The following MAGI2 variants were observed in gnomAD, a reference collection of about 807,000 sequenced individuals.
MAGI2 encodes the protein membrane associated guanylate kinase, WW and PDZ domain containing 2, also known as membrane-associated guanylate kinase, WW and PDZ domain-containing protein 2.
In MAGI2, 35 loss-of-function variants were observed where a neutral mutation model predicts 133.3. The ratio of observed to expected loss-of-function variants is 0.26; its 90% CI spans 0.20 to 0.35. The LOEUF (loss-of-function observed/expected upper bound fraction) is 0.35. MAGI2 is among the 10% of genes least tolerant of loss of function. The pLI is 1.00. For synonymous variants in MAGI2, 729 were observed against 710.6 expected (o/e 1.03, Z -0.41); for missense variants, 1,636 against 1,863.4 (o/e 0.88, Z 2.25).
intron 2 of MAGI2, among the ~76,000 whole-genome samples, chr7:78,842,211 G>C (rs1315064967): frequency 6.6e-6 from 1 of 151,958 alleles, no homozygotes; most frequent in Non-Finnish European, 1.5e-5. Flanking sequence ...CTATGAAAGA[G>C]AAAGTATTGC....
At chr7:78,349,753 C>T (rs1187999297) in intron 7 of MAGI2, among the ~76,000 whole-genome samples, 1 of 152,168 alleles carries the variant, frequency 6.6e-6, no homozygotes, top group Admixed American at 6.5e-5. Flanking sequence ...TTAAAATGCT[C>T]ACAAGCTCTA....
intron 16 of MAGI2, among the ~76,000 whole-genome samples, chr7:78,156,109 C>T (rs541898772): frequency 6.6e-6 from 1 of 152,210 alleles, no homozygotes. Flanking sequence ...CGATGATTTC[C>T]ATTACTTTTA....
At chr7:78,915,906 G>A (rs946641864) in intron 2 of MAGI2, among the ~76,000 whole-genome samples, 5 of 151,996 alleles carry the variant, frequency 3.3e-5, no homozygotes, top group Admixed American at 6.6e-5. Flanking sequence ...GAGCAGAAAC[G>A]TGAAGGAAGT....
chr7:78,374,616 T>G (rs1421340252), intron 6 of MAGI2, among the ~76,000 whole-genome samples: 1 of 151,988 alleles, frequency 6.6e-6, no homozygotes, highest in Non-Finnish European at 1.5e-5. Flanking sequence ...GAACTTGAAG[T>G]TGGTTTGCTA....
intron 2 of MAGI2, among the ~76,000 whole-genome samples, chr7:78,907,393 C>T (rs1798067816): frequency 6.6e-6 from 1 of 152,104 alleles, no homozygotes; most frequent in Non-Finnish European, 1.5e-5. Context: ...GTTTAATTTT[C>T]CCTCAGACCA....
At chr7:78,244,774 C>T (rs561468839) in intron 10 of MAGI2, among the ~76,000 whole-genome samples, 1 of 151,944 alleles carries the variant, frequency 6.6e-6, no homozygotes, top group East Asian at 1.9e-4. Flanking sequence ...TCCCTTAATG[C>T]AACTCATCAT....
At chr7:78,291,254 C>T (rs1026778330) in intron 9 of MAGI2, among the ~76,000 whole-genome samples, 1 of 152,114 alleles carries the variant, frequency 6.6e-6, no homozygotes, top group African/African-American at 2.4e-5. Flanking sequence ...GGAGATATCA[C>T]CACTGATCCC....
chr7:78,123,567 A>C (rs988123576), intron 20 of MAGI2, among the ~76,000 whole-genome samples: 1 of 152,214 alleles, frequency 6.6e-6, no homozygotes, highest in Non-Finnish European at 1.5e-5. Flanking sequence ...CAATCTGATA[A>C]TCGAGAGGGC....
chr7:78,107,750 C>A (rs558479948), intron 20 of MAGI2, among the ~76,000 whole-genome samples: 1 of 151,672 alleles, frequency 6.6e-6, no homozygotes, highest in South Asian at 2.1e-4. Context: ...GGAATTTATC[C>A]ATTTCTTCTT....
At chr7:78,319,431 C>T (rs181532683) in intron 9 of MAGI2, among the ~76,000 whole-genome samples, 118 of 152,314 alleles carry the variant, frequency 7.7e-4, no homozygotes, top group Non-Finnish European at 1.3e-3. Context: ...AACAGTGTCT[C>T]ACACCACAGT....
intron 1 of MAGI2, among the ~76,000 whole-genome samples, chr7:79,087,253 T>G (rs577695585): frequency 1.3e-5 from 2 of 152,048 alleles, no homozygotes; most frequent in South Asian, 4.1e-4. Flanking sequence ...TATATTCATT[T>G]AGAGTCAAAT....
Position 78,819,497 on chromosome 7 carries a change from A to G in MAGI2, c.418+187593T>C, listed in dbSNP as rs565411781. ...TCTCTCATGTATTTATTTTTAAACT[A>G]TTGGGATTTATGCATTTTTGTTAGA... is the stretch of plus-strand genomic sequence containing the variant. On this transcript the variant is annotated intron_variant, in intron 2 of 21. Coordinates refer to ENST00000354212, the MANE Select transcript of MAGI2 (RefSeq NM_012301.4). Among the ~76,000 whole-genome samples the G allele has an allele frequency of 1.7e-3, 259 of 152,146 alleles. 1 individual carries two copies. The highest frequency in any genetic ancestry group is 2.9e-3 in the Non-Finnish European group (196 of 67,902).
At chr7:78,528,748 A>G (rs899842681) in intron 3 of MAGI2, among the ~76,000 whole-genome samples, 3 of 152,176 alleles carry the variant, frequency 2.0e-5, no homozygotes, top group Non-Finnish European at 4.4e-5. Context: ...TCATCATGTC[A>G]TATGTAGTTA....
chr7:78,279,781 T>G (rs1795383478), intron 9 of MAGI2, among the ~76,000 whole-genome samples: 1 of 152,176 alleles, frequency 6.6e-6, no homozygotes, highest in Non-Finnish European at 1.5e-5. Flanking sequence ...GTAGTTTAAG[T>G]GAGCACAGAA....
At chr7:78,167,869 T>C (rs769779831) in intron 15 of MAGI2, 47 bp downstream of exon 15, 2 of 1,563,516 alleles carry the variant, frequency 1.3e-6, no homozygotes, top group Non-Finnish European at 1.7e-6. Flanking sequence ...CACAAAAGCA[T>C]CTTACCACCT....
chr7:78,588,426 G>T (rs983359671), intron 3 of MAGI2, among the ~76,000 whole-genome samples: 1 of 152,184 alleles, frequency 6.6e-6, no homozygotes, highest in African/African-American at 2.4e-5. Flanking sequence ...GTGTGTGGCA[G>T]GGGGAGGGGT....
chr7:78,611,533 ACTATCTTCTG>A (rs748769954), intron 3 of MAGI2, among the ~76,000 whole-genome samples: 15 of 152,170 alleles, frequency 9.9e-5, no homozygotes, highest in Admixed American at 2.0e-4. Context: ...GAGACTTTTT[ACTATCTTCTG>A]CATTTTAATA....
chr7:78,334,870 G>T (rs112927653), intron 9 of MAGI2, among the ~76,000 whole-genome samples: 12 of 152,296 alleles, frequency 7.9e-5, no homozygotes, highest in African/African-American at 2.9e-4. Context: ...CAATGGAAGA[G>T]AATGCTAGAA....
chr7:78,123,125 ATC>A (rs1453447099), intron 20 of MAGI2, among the ~76,000 whole-genome samples: 2 of 152,170 alleles, frequency 1.3e-5, no homozygotes, highest in Non-Finnish European at 2.9e-5. Context: ...ACAATGATAT[ATC>A]TCTTTTTATT....
Sources: allele counts gnomAD v4.1 joint callset (sites outside exome capture counted in the v4.1 genomes callset), GRCh38; gene constraint gnomAD v4.1.1; transcripts MANE v1.5; gene names NCBI Gene and HGNC (gene_info 2026-07-23, HGNC 2026-07-21).